The following PACRG variants were observed in gnomAD, a reference collection of about 807,000 sequenced individuals.
PACRG encodes parkin coregulated, also known as parkin coregulated gene protein.
PACRG carries 29 observed loss-of-function variants against 29.7 expected under a neutral mutation model. That is an observed-to-expected ratio of 0.98 (90% CI 0.73 to 1.33). The LOEUF (loss-of-function observed/expected upper bound fraction) is 1.33, where lower values mean the gene tolerates loss of function less well. Ranked by LOEUF, PACRG falls within the 40% of genes most tolerant of loss-of-function variation. The pLI, the probability that PACRG is intolerant of heterozygous loss-of-function variation, is 0.00. For missense variants in PACRG, 279 were observed against 316.2 expected, an observed-to-expected ratio of 0.88 and a Z score of 0.89; for synonymous variants, 116 against 118.7, an observed-to-expected ratio of 0.98 and a Z score of 0.15.
intron 1 of PACRG, among the ~76,000 whole-genome samples, chr6:162,763,456 G>T (rs1782538454): frequency 6.6e-6 from 1 of 152,164 alleles, no homozygotes; most frequent in African/African-American, 2.4e-5. Context: ...TCAGCAAAAT[G>T]ATAAAAGAAA....
chr6:163,100,672 A>G (rs1254038949), intron 4 of PACRG: 4 of 668,534 alleles, frequency 6.0e-6, no homozygotes, highest in Non-Finnish European at 7.4e-6. Flanking sequence ...TTCTCCAAAT[A>G]GGAAACTGTT....
chr6:162,776,409 C>G (rs1783645321), intron 1 of PACRG, among the ~76,000 whole-genome samples: 1 of 152,210 alleles, frequency 6.6e-6, no homozygotes, highest in Non-Finnish European at 1.5e-5. Context: ...GCAAACAAGA[C>G]TCCAGACCCT....
At position 163,298,627 on chromosome 6, in the gene PACRG, C is replaced by G. The variant is rs151178126; in HGVS notation, c.614-16200C>G. On this transcript the variant is annotated intron_variant, in intron 4 of 4. Coordinates refer to ENST00000366888, the MANE Select transcript of PACRG (RefSeq NM_001080379.2). ...CATCACTCACAAAAATTGTGCAAAT[C>G]TGGAGGTAGACTTAATGTCTCTAGC... is the stretch of plus-strand genomic sequence containing the variant. 4.0e-3 allele frequency among the ~76,000 whole-genome samples: 609 copies of G among 152,344 alleles called. 4 individuals are homozygous for G. Among genetic ancestry groups the G allele is most frequent in the African/African-American group, 0.014 (564 of 41,572 alleles).
chr6:163,178,371 A>G (rs1370945351), intron 4 of PACRG, among the ~76,000 whole-genome samples: 1 of 152,196 alleles, frequency 6.6e-6, no homozygotes, highest in Non-Finnish European at 1.5e-5. Flanking sequence ...GTAGACTCCA[A>G]CTGGCAGGGG....
chr6:163,063,178 A>G (rs865939772), intron 3 of PACRG, among the ~76,000 whole-genome samples: 1 of 152,168 alleles, frequency 6.6e-6, no homozygotes, highest in Non-Finnish European at 1.5e-5. Context: ...ACTAATTAAA[A>G]GCAGAGGATC....
At chr6:162,854,190 A>AT (rs1303416262) in intron 2 of PACRG, among the ~76,000 whole-genome samples, 1 of 140,204 alleles carries the variant, frequency 7.1e-6, no homozygotes, top group African/African-American at 2.7e-5. Context: ...TAATTGAATG[A>AT]TTTTGTTTTA....
At chr6:162,854,970 G>A (rs1791254256) in intron 2 of PACRG, among the ~76,000 whole-genome samples, 1 of 152,268 alleles carries the variant, frequency 6.6e-6, no homozygotes, top group African/African-American at 2.4e-5. Context: ...AGCAGCCGCT[G>A]CAGCAGCATC....
chr6:163,113,505 G>A (rs1815820790), intron 4 of PACRG, among the ~76,000 whole-genome samples: 1 of 152,090 alleles, frequency 6.6e-6, no homozygotes, highest in Admixed American at 6.5e-5. Context: ...AGAGAAAAAG[G>A]ACTCATCACG....
At chr6:163,248,753 T>C (rs1257679730) in intron 4 of PACRG, among the ~76,000 whole-genome samples, 8 of 152,080 alleles carry the variant, frequency 5.3e-5, no homozygotes, top group Admixed American at 5.2e-4. Context: ...TGACCCTCTG[T>C]CCACTTAAGA....
At chr6:163,014,676 A>G (rs1485776864) in intron 2 of PACRG, among the ~76,000 whole-genome samples, 2 of 151,658 alleles carry the variant, frequency 1.3e-5, no homozygotes, top group African/African-American at 2.4e-5. Flanking sequence ...CTGTTCATGT[A>G]TTTTACCCAT....
At chr6:163,101,679 G>A (rs933223928) in intron 4 of PACRG, among the ~76,000 whole-genome samples, 13 of 152,218 alleles carry the variant, frequency 8.5e-5, no homozygotes, top group African/African-American at 2.9e-4. Context: ...GTAAAAACCT[G>A]CTTAAAAAAC....
chr6:162,942,141 A>C (rs1277132418), intron 2 of PACRG, among the ~76,000 whole-genome samples: 1 of 152,168 alleles, frequency 6.6e-6, no homozygotes, highest in Non-Finnish European at 1.5e-5. Flanking sequence ...ACCAAAAGAA[A>C]CCTCTATGGA....
intron 4 of PACRG, among the ~76,000 whole-genome samples, chr6:163,303,181 T>C (rs1013585007): frequency 6.6e-6 from 1 of 151,952 alleles, no homozygotes; most frequent in African/African-American, 2.4e-5. Flanking sequence ...GATAAAAAAA[T>C]TAACCAGGCG....
chr6:163,028,274 G>T (rs537321857), intron 2 of PACRG, among the ~76,000 whole-genome samples: 1 of 152,328 alleles, frequency 6.6e-6, no homozygotes, highest in East Asian at 1.9e-4. Context: ...CTCTGTGCCT[G>T]TCTTTTTTTC....
intron 2 of PACRG, among the ~76,000 whole-genome samples, chr6:162,875,359 TCA>T (rs1793241856): frequency 2.0e-5 from 3 of 150,894 alleles, no homozygotes. Flanking sequence ...GCACACACAT[TCA>T]CACACATTCA....
At chr6:162,845,021 A>G (rs1457193825) in intron 2 of PACRG, among the ~76,000 whole-genome samples, 1 of 152,194 alleles carries the variant, frequency 6.6e-6, no homozygotes, top group Non-Finnish European at 1.5e-5. Context: ...TTTTTGTCAA[A>G]TAATCTCGTA....
chr6:162,916,655 G>A (rs1337385904), intron 2 of PACRG, among the ~76,000 whole-genome samples: 1 of 152,046 alleles, frequency 6.6e-6, no homozygotes, highest in Non-Finnish European at 1.5e-5. Context: ...GAAATTTTGT[G>A]CTGCAACATA....
intron 4 of PACRG, among the ~76,000 whole-genome samples, chr6:163,152,755 A>T (rs1488432763): frequency 6.6e-6 from 1 of 152,242 alleles, no homozygotes; most frequent in African/African-American, 2.4e-5. Flanking sequence ...AGCCATTATT[A>T]ACTGACATTG....
intron 2 of PACRG, among the ~76,000 whole-genome samples, chr6:163,042,382 G>A (rs1338181857): frequency 6.6e-6 from 1 of 152,156 alleles, no homozygotes; most frequent in African/African-American, 2.4e-5. Context: ...GGTTCACTGT[G>A]AGAAGAGAGA....
Sources: gnomAD v4.1 joint callset for allele counts (sites outside exome capture counted in the v4.1 genomes callset) on GRCh38, gnomAD v4.1.1 for gene constraint, MANE v1.5 for transcripts, NCBI Gene and HGNC (gene_info 2026-07-23, HGNC 2026-07-21) for gene names.